The following FAM13B variants were observed in gnomAD, a reference collection of about 807,000 sequenced individuals.
FAM13B encodes the protein protein FAM13B.
A neutral mutation model predicts 117.3 loss-of-function variants in FAM13B; 60 were observed. The observed-to-expected ratio is 0.51, with a 90% confidence interval of 0.42 to 0.63. FAM13B has a LOEUF of 0.63. Ranked by LOEUF, FAM13B falls within the 30% of genes least tolerant of loss-of-function variation. FAM13B has a pLI of 0.00. For missense variants in FAM13B, 972 were observed against 1,091.9 expected, an observed-to-expected ratio of 0.89 and a Z score of 1.55; for synonymous variants, 332 against 356.1, an observed-to-expected ratio of 0.93 and a Z score of 0.76.
chr5:137,985,243 T>C lies in FAM13B; in HGVS notation c.1179+14A>G, dbSNP rs201016234. 23 of 1,610,824 alleles carry C rather than the reference T, an allele frequency of 1.4e-5. No homozygotes were observed. The Admixed American group carries it at 2.4e-4, about 17-fold the overall frequency. The stretch of plus-strand genomic sequence containing the variant: ...AAAGTTGTACATCTAACACATATTT[T>C]TGACATTCCTTACCTGGGTATTTTC... On this transcript the variant is annotated intron_variant, in intron 10 of 23. Coordinates refer to ENST00000689681, the MANE Select transcript of FAM13B (RefSeq NM_001385994.1).
At position 138,018,356 on chromosome 5, in the gene FAM13B, G is replaced by T; in HGVS notation, c.316C>A (p.Pro106Thr). The T allele has an allele frequency of 1.2e-6, 2 of 1,614,134 alleles. No homozygotes were observed. The highest frequency in any genetic ancestry group is 1.7e-6 in the Non-Finnish European group (2 of 1,180,004). ...AAACTGCCAGGGATAACAGGTTCAG[G>T]AAGTTCTTGAAGAAAAAATCTAAGA... ...SLLRFFLQEL[P>T]EPVIPGSLHI... Residue 106 changes from proline (P) to threonine (T), a missense_variant, in exon 4 of 24, where the codon CCT becomes ACT. Transcript: ENST00000689681.
At chr5:138,020,087 T>C (rs1000660970) in intron 2 of FAM13B, 1 of 805,552 alleles carries the variant, frequency 1.2e-6, no homozygotes, top group African/African-American at 1.9e-5. Context: ...TGAGACAGAG[T>C]TTCGCTCTTT....
At chr5:138,022,162 T>C (rs1786930362) in intron 1 of FAM13B, among the ~76,000 whole-genome samples, 1 of 152,056 alleles carries the variant, frequency 6.6e-6, no homozygotes, top group Non-Finnish European at 1.5e-5. Context: ...CTGTTAAGTT[T>C]AGTTTAACTG....
chr5:137,981,423 G>A (rs1344959471), intron 10 of FAM13B, among the ~76,000 whole-genome samples: 2 of 151,876 alleles, frequency 1.3e-5, no homozygotes, highest in Admixed American at 6.6e-5. Flanking sequence ...CTCCAGCCTG[G>A]GAAAGAGTGA....
intron 10 of FAM13B, among the ~76,000 whole-genome samples, chr5:137,984,509 G>A (rs965328077): frequency 3.9e-5 from 6 of 151,942 alleles, no homozygotes; most frequent in African/African-American, 1.2e-4. Flanking sequence ...CACTTCCCCC[G>A]AGTATCTCCC....
intron 20 of FAM13B, among the ~76,000 whole-genome samples, chr5:137,945,489 C>A (rs1304648098): frequency 6.6e-6 from 1 of 152,118 alleles, no homozygotes; most frequent in Non-Finnish European, 1.5e-5. Flanking sequence ...TCATGGCCAC[C>A]ACAAAACTGA....
chr5:138,018,865 T>A, intron 3 of FAM13B, 90 bp downstream of exon 3: 4 of 934,964 alleles, frequency 4.3e-6, no homozygotes, highest in Non-Finnish European at 6.1e-6. Flanking sequence ...CTTTCCATAT[T>A]AAAAAAAAAA....
Position 137,941,970 on chromosome 5 carries a change from T to C in FAM13B, c.2664A>G (p.Glu888=). Residue 888 remains glutamate (E), a synonymous_variant, in exon 23 of 24, where the codon GAA becomes GAG. Transcript: ENST00000689681. ...KKLRKTLREF[E]EAFYQQNGRN... is the part of the protein sequence containing the mutation. ...TTCCATTTTGTTGATAAAATGCTTC[T>C]TCAAATTCCCGCAACGTTTTGCGTA... is the stretch of plus-strand genomic sequence containing the variant. 6.2e-7 allele frequency: 1 copy of C among 1,614,096 alleles called. No homozygotes were observed. The highest frequency in any genetic ancestry group is 2.2e-5 in the East Asian group (1 of 44,866).
Position 138,018,389 on chromosome 5 carries a change from T to C in FAM13B, c.283A>G (p.Ile95Val), listed in dbSNP as rs758757419. ...LVKEADVPSAISLLRFFLQEL... is the reference protein window; with the variant it reads ...LVKEADVPSAVSLLRFFLQEL... ...TGAAGAAAAAATCTAAGAAGGCTAA[T>C]AGCTGAGGGAACATCTGCTTCCTTA... The change falls in exon 4 of 24, where the codon ATT becomes GTT. Residue 95 changes from isoleucine (I) to valine (V), a missense_variant. Ile to Val is a conservative substitution (Grantham distance 29, BLOSUM62 3). Coordinates refer to ENST00000689681, the MANE Select transcript of FAM13B (RefSeq NM_001385994.1). 5 of 1,614,044 alleles carry C rather than the reference T, an allele frequency of 3.1e-6. No homozygotes were observed. The highest frequency in any genetic ancestry group is 2.7e-5 in the African/African-American group (2 of 74,922).
At chr5:137,990,401 A>T (rs1180018682) in intron 7 of FAM13B, among the ~76,000 whole-genome samples, 1 of 152,188 alleles carries the variant, frequency 6.6e-6, no homozygotes, top group African/African-American at 2.4e-5. Flanking sequence ...GAAGCTCTCT[A>T]ATTCTCAACT....
chr5:137,985,734 T>C (rs1777039992), intron 9 of FAM13B, among the ~76,000 whole-genome samples: 1 of 152,194 alleles, frequency 6.6e-6, no homozygotes, highest in Admixed American at 6.5e-5. Context: ...ACAAGTCCAG[T>C]ACTAGACACT....
At chr5:138,042,256 A>G (rs939341811) in intron 1 of FAM13B, among the ~76,000 whole-genome samples, 4 of 152,200 alleles carry the variant, frequency 2.6e-5, no homozygotes, top group Non-Finnish European at 5.9e-5. Flanking sequence ...ACAAACAAAT[A>G]CTGTATGAAT....
intron 10 of FAM13B, among the ~76,000 whole-genome samples, chr5:137,982,935 G>A (rs1027147042): frequency 9.9e-5 from 15 of 152,084 alleles, no homozygotes; most frequent in African/African-American, 3.6e-4. Context: ...CAGTGGAAAT[G>A]CTGGGTGCCT....
At chr5:137,948,019 G>A (rs1396517341) in intron 18 of FAM13B, among the ~76,000 whole-genome samples, 4 of 152,066 alleles carry the variant, frequency 2.6e-5, no homozygotes, top group African/African-American at 4.8e-5. Context: ...GTCAAGATAA[G>A]AGTTCCACAT....
At chr5:138,015,304 C>T (rs537889259) in intron 4 of FAM13B, among the ~76,000 whole-genome samples, 1 of 152,308 alleles carries the variant, frequency 6.6e-6, no homozygotes, top group East Asian at 1.9e-4. Flanking sequence ...AAAATGAAAC[C>T]ACTTTTTAAA....
At chr5:138,048,940 C>CTTTTTT (rs35414064) in intron 1 of FAM13B, among the ~76,000 whole-genome samples, 3 of 122,422 alleles carry the variant, frequency 2.5e-5, no homozygotes, top group Non-Finnish European at 4.9e-5. Flanking sequence ...TGATACATTT[C>CTTTTTT]TTTTTTTTTT....
rs369548946 is a variant in FAM13B, at chr5:137,954,041, C to CTT, written c.1718+123_1718+124dup. 9.2e-3 allele frequency: 3,572 copies of CTT among 387,652 alleles called. 41 individuals carry two copies. The highest frequency in any genetic ancestry group is 0.012 in the Middle Eastern group (16 of 1,282). The allele number at this position is 387,652 out of a possible 1,614,324, so 24.0% of individuals were successfully genotyped here. On this transcript the variant is annotated intron_variant, in intron 15 of 23. Transcript: ENST00000689681. ...TATGTCTAGAAGACTCAATCTCTCT[C>CTT]TTTTTTTTTTTTTTTTTTTGAGATG...
At chr5:138,039,526 C>T (rs1248439832) in intron 1 of FAM13B, 2 of 152,166 alleles carry the variant, frequency 1.3e-5, no homozygotes, top group Admixed American at 1.3e-4. Context: ...GCCTCAGTAT[C>T]CCAGGCTCAA....
Position 137,939,858 on chromosome 5 carries a change from AG to A in FAM13B, c.*366del. 1 of 1,304,456 alleles carries A rather than the reference AG, an allele frequency of 7.7e-7. No homozygotes were observed. Among genetic ancestry groups the A allele is most frequent in the Non-Finnish European group, 9.7e-7 (1 of 1,028,980 alleles). The allele number at this position is 1,304,456 out of a possible 1,614,324, so 80.8% of individuals were successfully genotyped here. The stretch of plus-strand genomic sequence containing the variant: ...TGAAGATTTTCCTCCAATTTTCTTC[AG>A]TAATGAGAAACAAAAAGTTGGTAAT... On this transcript the variant is annotated 3_prime_UTR_variant, in exon 24 of 24. Coordinates refer to ENST00000689681, the MANE Select transcript of FAM13B (RefSeq NM_001385994.1).
Sources: allele counts gnomAD v4.1 joint callset (sites outside exome capture counted in the v4.1 genomes callset), GRCh38; gene constraint gnomAD v4.1.1; transcripts MANE v1.5; gene names NCBI Gene and HGNC (gene_info 2026-07-23, HGNC 2026-07-21).